Variants in EPN2 observed in about 807,000 individuals in gnomAD.
The protein encoded by EPN2 is epsin 2.
In EPN2, 34 loss-of-function variants were observed where a neutral mutation model predicts 61.7. The observed-to-expected ratio is 0.55, with a 90% CI of 0.42 to 0.73. EPN2 has a LOEUF of 0.73. Among genes scored for constraint, EPN2 ranks in the 30% least tolerant of loss-of-function variants. The pLI, the probability that EPN2 is intolerant of heterozygous loss-of-function variation, is 0.00. For synonymous variants in EPN2, 349 were observed against 353.6 expected (o/e 0.99, Z 0.15); for missense variants, 714 against 839.2 (o/e 0.85, Z 1.84).
intron 1 of EPN2, among the ~76,000 whole-genome samples, chr17:19,254,170 AAAAG>A (rs1277802365): frequency 5.9e-5 from 9 of 151,642 alleles, no homozygotes; most frequent in Admixed American, 1.3e-4. Context: ...AAGAAAGAAA[AAAAG>A]AAAGAAGGGA....
chr17:19,278,595 A>C (rs1232603934), intron 1 of EPN2, among the ~76,000 whole-genome samples: 3 of 152,162 alleles, frequency 2.0e-5, no homozygotes, highest in African/African-American at 7.2e-5. Context: ...TGGGAGACAC[A>C]ATTCAAGTTG....
At chr17:19,292,113 C>T (rs954470257) in intron 4 of EPN2, among the ~76,000 whole-genome samples, 2 of 152,210 alleles carry the variant, frequency 1.3e-5, no homozygotes, top group African/African-American at 4.8e-5. Flanking sequence ...CCAAACCCAG[C>T]CAGCGTGTCA....
At chr17:19,293,530 C>A (rs2045485486) in intron 4 of EPN2, among the ~76,000 whole-genome samples, 1 of 139,150 alleles carries the variant, frequency 7.2e-6, no homozygotes, top group African/African-American at 2.7e-5. Flanking sequence ...GCCACCATAC[C>A]CAGCTTTTTT....
intron 4 of EPN2, among the ~76,000 whole-genome samples, chr17:19,286,234 A>C (rs907630406): frequency 1.3e-5 from 2 of 152,190 alleles, no homozygotes; most frequent in Non-Finnish European, 2.9e-5. Flanking sequence ...GGAAGCCATT[A>C]TCCTTAATGC....
chr17:19,303,281 T>G (rs3785782), intron 4 of EPN2, among the ~76,000 whole-genome samples: 146,241 of 152,312 alleles, frequency 0.96, 70,605 homozygotes, highest in African/African-American at 0.99. Flanking sequence ...ATTAGCAGCA[T>G]CATCTCACGC....
intron 1 of EPN2, among the ~76,000 whole-genome samples, chr17:19,244,807 G>GTTAGC (rs2044926943): frequency 6.6e-6 from 1 of 152,016 alleles, no homozygotes; most frequent in Non-Finnish European, 1.5e-5. Context: ...TTCTCATTTT[G>GTTAGC]CATTTTAAAA....
At chr17:19,303,534 G>A (rs865939323) in intron 4 of EPN2, among the ~76,000 whole-genome samples, 87 of 152,174 alleles carry the variant, frequency 5.7e-4, no homozygotes, top group African/African-American at 2.0e-3. Flanking sequence ...CCTGAGAACC[G>A]GAATCACGGC....
In EPN2 at chr17:19,306,340, C is replaced by T. The variant is rs192974798; in HGVS notation, c.767-3545C>T. The stretch of plus-strand genomic sequence containing the variant: ...TGTCACCAAGGCAAGAATATCTCTG[C>T]TGGAATCCTCCCTCGAAGCTCAGTC... On this transcript the variant is annotated intron_variant, in intron 4 of 10. Transcript: ENST00000314728. 3.9e-5 allele frequency: 6 copies of T among 152,398 alleles called. No individual in the cohort carries two copies. In the East Asian group the frequency reaches 1.2e-3, roughly 29 times the overall value. 9.4% of individuals were successfully genotyped at this position (152,398 alleles called of 1,614,324 possible).
chr17:19,316,591 G>A (rs139264682), intron 7 of EPN2, among the ~76,000 whole-genome samples: 1 of 152,300 alleles, frequency 6.6e-6, no homozygotes, highest in East Asian at 1.9e-4. Flanking sequence ...TAAAATGTTA[G>A]CTTGTCTGCT....
chr17:19,289,710 A>G (rs115943811), intron 4 of EPN2, among the ~76,000 whole-genome samples: 1,748 of 105,582 alleles, frequency 0.017, 39 homozygotes, highest in African/African-American at 0.058. Context: ...GTTCGGCCTC[A>G]CCTGGCGCTC....
chr17:19,269,649 G>A (rs2045234789), intron 1 of EPN2, among the ~76,000 whole-genome samples: 1 of 152,222 alleles, frequency 6.6e-6, no homozygotes, highest in Non-Finnish European at 1.5e-5. Flanking sequence ...TCTTTGAATA[G>A]CGTTAAAGCC....
At position 19,310,014 on chromosome 17, in the gene EPN2, G is replaced by A. The variant is rs1448035324; in HGVS notation, c.879+17G>A. On this transcript the variant is annotated intron_variant, in intron 5 of 10. Coordinates refer to ENST00000314728, the MANE Select transcript of EPN2 (RefSeq NM_014964.5). ...GCTGAGCAGGTCAGTGCCCCAGGCA[G>A]GTCTGCACTGCATTGACTGCCCATG... 3 of 1,578,686 alleles carry A rather than the reference G, an allele frequency of 1.9e-6. No individual in the cohort carries two copies.
rs1907307087 is a variant in EPN2, at chr17:19,334,417, C to A, written c.*163C>A. The A allele has an allele frequency of 2.0e-6, 1 of 509,786 alleles. No homozygotes were observed. The highest frequency in any genetic ancestry group is 6.3e-5 in the South Asian group (1 of 15,996). The allele number at this position is 509,786 out of a possible 1,614,324, so 31.6% of individuals were successfully genotyped here. A position where few individuals can be genotyped will look rare whatever the true frequency, so the allele number is the denominator to read the frequency against. ...TGTCTTTACAGCCCCAACCCTCAGA[C>A]CCTCGCCTTCCAAGGCAGGCCCCTC... On this transcript the variant is annotated 3_prime_UTR_variant, in exon 11 of 11. Coordinates refer to ENST00000314728, the MANE Select transcript of EPN2 (RefSeq NM_014964.5). This position sits in a 1 kb window ranked among gnomAD's most constrained non-coding sequence, Gnocchi z 4.9.
At chr17:19,254,237 G>A (rs2045048950) in intron 1 of EPN2, among the ~76,000 whole-genome samples, 1 of 150,728 alleles carries the variant, frequency 6.6e-6, no homozygotes, top group Admixed American at 6.7e-5. Flanking sequence ...AAGGAAGGAA[G>A]GAGAACTTAT....
At chr17:19,323,533 A>C (rs1489705686) in intron 7 of EPN2, among the ~76,000 whole-genome samples, 2 of 152,206 alleles carry the variant, frequency 1.3e-5, no homozygotes, top group Admixed American at 1.3e-4. Context: ...CACCAGAGGA[A>C]GAAAATACCT....
chr17:19,244,878 A>G (rs763923920), intron 1 of EPN2, among the ~76,000 whole-genome samples: 9 of 152,208 alleles, frequency 5.9e-5, no homozygotes, highest in African/African-American at 1.2e-4. Flanking sequence ...TCCTGCTGGT[A>G]TGCCCCAGCT....
chr17:19,246,029 G>A (rs1049572617), intron 1 of EPN2, among the ~76,000 whole-genome samples: 4 of 151,988 alleles, frequency 2.6e-5, no homozygotes, highest in African/African-American at 9.7e-5. Context: ...GATTACAGGC[G>A]TGAGCTATCG....
intron 4 of EPN2, among the ~76,000 whole-genome samples, chr17:19,296,395 C>G (rs1408817133): frequency 6.6e-6 from 1 of 152,094 alleles, no homozygotes; most frequent in East Asian, 1.9e-4. Flanking sequence ...AGGTGATCCA[C>G]CCACCTCTGC....
intron 1 of EPN2, among the ~76,000 whole-genome samples, chr17:19,245,523 G>T (rs1044926570): frequency 2.7e-5 from 4 of 149,628 alleles, no homozygotes; most frequent in Non-Finnish European, 5.9e-5. Flanking sequence ...TGCAGCCTCT[G>T]CCTCCCAGGT....
Sources: gnomAD v4.1 joint callset for allele counts (sites outside exome capture counted in the v4.1 genomes callset) on GRCh38, gnomAD v4.1.1 for gene constraint, Gnocchi (gnomAD v3.1) non-coding constraint, MANE v1.5 for transcripts, NCBI Gene and HGNC (gene_info 2026-07-23, HGNC 2026-07-21) for gene names.